TANC1: variants seen among roughly 807,000 people sequenced by gnomAD.
The protein encoded by TANC1 is protein TANC1.
Under a neutral mutation model 149.7 loss-of-function variants are expected in TANC1, and 77 were observed. The observed-to-expected ratio is 0.51, with a 90% CI of 0.43 to 0.62. The LOEUF is 0.62. TANC1 is among the 20% of genes least tolerant of loss of function. TANC1 has a pLI of 0.00. For synonymous variants in TANC1, 854 were observed against 925.0 expected (o/e 0.92, Z 1.39); for missense variants, 1,985 against 2,321.8 (o/e 0.85, Z 2.98).
chr2:159,046,355 T>C (rs1217594094), intron 2 of TANC1, among the ~76,000 whole-genome samples: 1 of 152,122 alleles, frequency 6.6e-6, no homozygotes, highest in Non-Finnish European at 1.5e-5. Flanking sequence ...GTTTTGAAGT[T>C]AAAGAATTTT....
At chr2:159,169,573 C>G (rs1317211017) in intron 9 of TANC1, among the ~76,000 whole-genome samples, 3 of 152,178 alleles carry the variant, frequency 2.0e-5, no homozygotes, top group Non-Finnish European at 4.4e-5. Context: ...ATGTGATTAA[C>G]TTGCTTCTGG....
intron 1 of TANC1, among the ~76,000 whole-genome samples, chr2:158,977,456 G>A (rs527683535): frequency 6.6e-6 from 1 of 152,030 alleles, no homozygotes; most frequent in East Asian, 1.9e-4. Context: ...GATTACAGGT[G>A]TGCACCACCA....
intron 8 of TANC1, among the ~76,000 whole-genome samples, chr2:159,163,830 T>TTTG (rs10684999): frequency 0.71 from 107,792 of 151,696 alleles, 38,817 homozygotes; most frequent in Non-Finnish European, 0.79. Context: ...CCTCTCGGTT[T>TTTG]TTGTTTTAAG....
chr2:159,134,528 G>C (rs1462926586), intron 4 of TANC1, among the ~76,000 whole-genome samples: 1 of 152,090 alleles, frequency 6.6e-6, no homozygotes, highest in South Asian at 2.1e-4. Flanking sequence ...TGTCGCCCAG[G>C]CTAGAGTGCA....
chr2:159,060,641 G>T (rs777780204), intron 2 of TANC1, among the ~76,000 whole-genome samples: 2 of 152,196 alleles, frequency 1.3e-5, no homozygotes, highest in Non-Finnish European at 2.9e-5. Context: ...CTGAGAACAG[G>T]GTGGGTGCGA....
chr2:159,043,821 G>T (rs920466332), intron 2 of TANC1, among the ~76,000 whole-genome samples: 3 of 152,066 alleles, frequency 2.0e-5, no homozygotes, highest in African/African-American at 7.2e-5. Context: ...CTTATTCCCC[G>T]TGAAAAACTT....
intron 2 of TANC1, among the ~76,000 whole-genome samples, chr2:159,034,898 C>CA (rs1395780541): frequency 6.6e-6 from 1 of 152,194 alleles, no homozygotes; most frequent in Admixed American, 6.5e-5. Flanking sequence ...TGGTCTTTGT[C>CA]ACGTTGTTTA....
At chr2:159,093,743 C>CCTCCCT (rs2045797503) in intron 3 of TANC1, among the ~76,000 whole-genome samples, 1 of 151,992 alleles carries the variant, frequency 6.6e-6, no homozygotes, top group Non-Finnish European at 1.5e-5. Context: ...CCCCCCTCCC[C>CCTCCCT]CTCCCTCTTC....
chr2:159,093,980 G>T (rs548428580), intron 3 of TANC1, among the ~76,000 whole-genome samples: 1 of 152,318 alleles, frequency 6.6e-6, no homozygotes, highest in South Asian at 2.1e-4. Flanking sequence ...AATTTCTCTT[G>T]TGTCATGTTG....
intron 3 of TANC1, among the ~76,000 whole-genome samples, chr2:159,072,908 G>C (rs546745181): frequency 5.9e-5 from 9 of 152,270 alleles, no homozygotes; most frequent in East Asian, 5.8e-4. Context: ...GATACTAAAG[G>C]CTCTTCTCCC....
chr2:159,230,323 C>A lies in TANC1; in HGVS notation c.4897C>A (p.His1633Asn), dbSNP rs752204975. The change falls in exon 27 of 27, where the codon CAT (histidine) becomes AAT (asparagine). Residue 1633 changes from histidine (H) to asparagine (N), a missense_variant. Coordinates refer to ENST00000263635, the MANE Select transcript of TANC1 (RefSeq NM_033394.3). The surrounding 1 kb of genome is among the most constrained non-coding windows in gnomAD (Gnocchi z 4.4). ...GAAAACCACAGAGAGGCTTCTGTCTCATTCCTCCGTGGCTGTGGACGCAGC... is the reference window on the plus strand; with the variant it reads ...GAAAACCACAGAGAGGCTTCTGTCTAATTCCTCCGTGGCTGTGGACGCAGC... The part of the protein sequence containing the change: ...KTKTTERLLS[H>N]SSVAVDAAPP... 1.9e-5 allele frequency: 30 copies of A among 1,614,078 alleles called. No homozygotes were observed. Among genetic ancestry groups the A allele is most frequent in the Non-Finnish European group, 2.4e-5 (28 of 1,180,058 alleles).
At chr2:159,201,924 C>T (rs1048463067) in intron 19 of TANC1, among the ~76,000 whole-genome samples, 13 of 152,206 alleles carry the variant, frequency 8.5e-5, no homozygotes, top group African/African-American at 2.9e-4. Context: ...GGGATACCCC[C>T]GTTAGGAGGA....
At chr2:159,027,440 T>G (rs992114551) in intron 2 of TANC1, among the ~76,000 whole-genome samples, 1 of 152,246 alleles carries the variant, frequency 6.6e-6, no homozygotes, top group Non-Finnish European at 1.5e-5. Context: ...TTTCCAGTAC[T>G]TTGTTCCTCA....
chr2:159,194,108 G>T, intron 16 of TANC1, 149 bp from the exon 17 acceptor site: 1 of 678,978 alleles, frequency 1.5e-6, no homozygotes. Context: ...AATGTGCATT[G>T]TTAATATATT....
intron 2 of TANC1, among the ~76,000 whole-genome samples, chr2:159,026,671 A>G (rs898352439): frequency 2.6e-5 from 4 of 152,058 alleles, no homozygotes; most frequent in African/African-American, 4.8e-5. Context: ...TGAGCCTGGT[A>G]CATGCTGCTA....
chr2:159,201,912 C>A (rs1202469282), intron 19 of TANC1, among the ~76,000 whole-genome samples: 1 of 152,224 alleles, frequency 6.6e-6, no homozygotes, highest in Non-Finnish European at 1.5e-5. Context: ...GGTTTTCCTG[C>A]AGGGATACCC....
chr2:159,124,237 A>G (rs1432293868), intron 4 of TANC1, among the ~76,000 whole-genome samples: 4 of 152,112 alleles, frequency 2.6e-5, no homozygotes, highest in Non-Finnish European at 5.9e-5. Context: ...GCCTGTCTGT[A>G]GGAGGCTGAG....
chr2:159,179,758 C>T (rs2056279082), intron 14 of TANC1, among the ~76,000 whole-genome samples: 1 of 152,190 alleles, frequency 6.6e-6, no homozygotes, highest in Non-Finnish European at 1.5e-5. Flanking sequence ...GGATGCAGTT[C>T]TCCTTGCTGC....
At chr2:159,159,266 C>T (rs1050388496) in intron 7 of TANC1, among the ~76,000 whole-genome samples, 1 of 151,688 alleles carries the variant, frequency 6.6e-6, no homozygotes, top group South Asian at 2.1e-4. Context: ...GGCAACATGG[C>T]GGCACCCTGT....
Sources: allele counts gnomAD v4.1 joint callset (sites outside exome capture counted in the v4.1 genomes callset), GRCh38; gene constraint gnomAD v4.1.1; non-coding constraint Gnocchi (gnomAD v3.1); transcripts MANE v1.5; gene names NCBI Gene and HGNC (gene_info 2026-07-23, HGNC 2026-07-21).